Variants in HLCS observed in about 807,000 individuals in gnomAD.
The protein encoded by HLCS is holocarboxylase synthetase, also known as biotin--protein ligase.
A neutral mutation model predicts 75.0 loss-of-function variants in HLCS; 53 were observed. The ratio of observed to expected loss-of-function variants is 0.71; its 90% confidence interval spans 0.57 to 0.89. HLCS has a LOEUF of 0.89. Ranked by LOEUF, HLCS falls within the 40% of genes least tolerant of loss-of-function variation. HLCS has a pLI of 0.00. For missense variants in HLCS, 966 were observed against 1,074.0 expected (o/e 0.90, Z 1.41); for synonymous variants, 431 against 428.6 (o/e 1.01, Z -0.07).
At chr21:36,872,412 G>C (rs2063804551) in intron 6 of HLCS, among the ~76,000 whole-genome samples, 1 of 150,874 alleles carries the variant, frequency 6.6e-6, no homozygotes, top group Non-Finnish European at 1.5e-5. Context: ...AAAAACTTCA[G>C]CTGCATACCA....
rs1241649670 is a variant in HLCS at position 36,896,593 on chromosome 21, A to G, written c.1892+267T>C. ...TCTTTTTTCATAATATTCGTTTATC[A>G]AAGAACATTCTGAGGGCCTGATTCA... On this transcript the variant is annotated intron_variant, in intron 6 of 10. Transcript: ENST00000674895. 1.6e-5 allele frequency: 8 copies of G among 515,836 alleles called. No homozygotes were observed. The East Asian group carries it at 2.7e-4, about 17-fold the overall frequency. 32.0% of individuals were successfully genotyped at this position (515,836 alleles called of 1,614,324 possible).
chr21:36,756,791 T>G (rs2089620671), intron 9 of HLCS, 36 bp from the exon 10 acceptor site: 5 of 1,613,194 alleles, frequency 3.1e-6, no homozygotes, highest in Middle Eastern at 1.8e-4. Context: ...GCTCAGCCTG[T>G]TGATGGCATC....
At chr21:36,869,383 C>T (rs1418974315) in intron 6 of HLCS, among the ~76,000 whole-genome samples, 4 of 152,124 alleles carry the variant, frequency 2.6e-5, no homozygotes, top group African/African-American at 9.7e-5. Flanking sequence ...CCGCCCACCT[C>T]GGCCTCCCAA....
intron 5 of HLCS, among the ~76,000 whole-genome samples, chr21:36,927,071 GT>G (rs1269943505): frequency 6.6e-6 from 1 of 152,204 alleles, no homozygotes; most frequent in Non-Finnish European, 1.5e-5. Context: ...GGAGATAGGT[GT>G]GTGGTAAACG....
chr21:36,754,090 C>T lies in HLCS; in HGVS notation c.*156G>A, dbSNP rs538687087. ...GAGCCTCTTCAAACACCAAAGAAAA[C>T]GACAACAAAACAAACCTAAAAACAA... On this transcript the variant is annotated 3_prime_UTR_variant, in exon 11 of 11. Coordinates refer to ENST00000674895, the MANE Select transcript of HLCS (RefSeq NM_001352514.2). 22 of 854,450 alleles carry T rather than the reference C, an allele frequency of 2.6e-5. No individual in the cohort carries two copies. The highest frequency in any genetic ancestry group is 6.6e-5 in the South Asian group (4 of 60,616). 52.9% of individuals were successfully genotyped at this position (854,450 alleles called of 1,614,324 possible).
rs143218701 is a variant in HLCS at position 36,896,872 on chromosome 21, C to T, written c.1880G>A (p.Arg627His). Residue 627 changes from arginine (R) to histidine (H), a missense_variant, in exon 6 of 11, where the codon CGT becomes CAT. By Grantham distance (29) the Arg-to-His change is conservative. Transcript: ENST00000674895. ...LFAEVTPTTM[R>H]LLDGLMFQTP... ...GCTCACACCTTACCCATCCAGGAGA[C>T]GCATCGTTGTGGGGGTCACTTCGGC... is the stretch of plus-strand genomic sequence containing the variant. 6.8e-6 allele frequency: 11 copies of T among 1,614,096 alleles called. No homozygotes were observed. The highest frequency in any genetic ancestry group is 1.7e-5 in the Admixed American group (1 of 60,016).
intron 6 of HLCS, among the ~76,000 whole-genome samples, chr21:36,794,879 T>C (rs2060980563): frequency 6.6e-6 from 1 of 152,008 alleles, no homozygotes; most frequent in Non-Finnish European, 1.5e-5. Context: ...GATGTGCCGT[T>C]TCCCAAAAGC....
intron 4 of HLCS, among the ~76,000 whole-genome samples, chr21:36,933,030 A>AT (rs1311984821): frequency 1.3e-5 from 2 of 152,202 alleles, no homozygotes; most frequent in African/African-American, 2.4e-5. Flanking sequence ...AGGCACAAGA[A>AT]TCACTTGAAC....
chr21:36,807,784 C>T (rs766886219), intron 6 of HLCS, among the ~76,000 whole-genome samples: 1 of 152,090 alleles, frequency 6.6e-6, no homozygotes, highest in East Asian at 1.9e-4. Context: ...TGATCAGTGC[C>T]TGAATGTTCT....
At chr21:36,896,786 C>T (rs1214291061) in intron 6 of HLCS, 74 bp downstream of exon 6, 1 of 1,523,100 alleles carries the variant, frequency 6.6e-7, no homozygotes, top group Non-Finnish European at 9.1e-7. Context: ...TATCCCCTCC[C>T]CGTCTATTGG....
upstream of HLCS, among the ~76,000 whole-genome samples, chr21:36,970,886 G>T (rs1028269267): frequency 3.3e-5 from 5 of 151,690 alleles, no homozygotes; most frequent in African/African-American, 1.2e-4. Flanking sequence ...CCCAGCTACT[G>T]AGGAGGCTGA....
In HLCS at chr21:36,966,508, T is replaced by TGCGCGGCC; in HGVS notation, c.123_130dup (p.Gln44ArgfsTer12). The TGCGCGGCC allele has an allele frequency of 4.1e-6, 4 of 977,964 alleles. No individual in the cohort carries two copies. Among genetic ancestry groups the TGCGCGGCC allele is most frequent in the Non-Finnish European group, 4.8e-6 (4 of 829,254 alleles). The allele number at this position is 977,964 out of a possible 1,614,324, so 60.6% of individuals were successfully genotyped here. A position where few individuals can be genotyped will look rare whatever the true frequency, so the allele number is the denominator to read the frequency against. ...CAGGCACACGCGGGCGCCCGGGGGC[T>TGCGCGGCC]GCGCGGCCGCGCCGCAGAAGGTGAA... On this transcript the variant is annotated frameshift_variant, in exon 1 of 11. Transcript: ENST00000674895. LOFTEE classifies it high-confidence loss of function.
intron 6 of HLCS, among the ~76,000 whole-genome samples, chr21:36,889,813 G>GTTTCTCTGGCGT (rs2064697936): frequency 6.6e-6 from 1 of 152,164 alleles, no homozygotes. Flanking sequence ...AAACCTACTA[G>GTTTCTCTGGCGT]GAAATAGCAC....
At chr21:36,903,572 A>G (rs996172622) in intron 5 of HLCS, among the ~76,000 whole-genome samples, 8 of 152,218 alleles carry the variant, frequency 5.3e-5, no homozygotes, top group African/African-American at 1.9e-4. Flanking sequence ...TATCCCATTC[A>G]AAGTCAATGA....
chr21:36,888,446 ATATATATAT>A (rs1434744552), intron 6 of HLCS, among the ~76,000 whole-genome samples: 1,194 of 70,360 alleles, frequency 0.017, 91 homozygotes, highest in Non-Finnish European at 0.018. Flanking sequence ...AAAAAAAAAA[ATATATATAT>A]ATATATATAT....
At chr21:36,897,570 C>A (rs755570094) in intron 5 of HLCS, among the ~76,000 whole-genome samples, 35 of 152,158 alleles carry the variant, frequency 2.3e-4, no homozygotes, top group Non-Finnish European at 3.5e-4. Context: ...TCACAGAACA[C>A]AAAGCACTCA....
intron 6 of HLCS, among the ~76,000 whole-genome samples, chr21:36,811,844 C>G (rs2061519615): frequency 6.6e-6 from 1 of 152,200 alleles, no homozygotes; most frequent in Non-Finnish European, 1.5e-5. Flanking sequence ...GGGTGGAGGA[C>G]TGGCAGCGGG....
intron 6 of HLCS, among the ~76,000 whole-genome samples, chr21:36,881,395 C>T (rs374069112): frequency 2.0e-5 from 3 of 152,172 alleles, no homozygotes; most frequent in African/African-American, 7.2e-5. Flanking sequence ...GGAACTCATT[C>T]GACTTTCCCT....
At position 36,754,338 on chromosome 21, in the gene HLCS, C is replaced by T. The variant is rs774651759; in HGVS notation, c.2530G>A (p.Val844Ile). 7 of 1,614,078 alleles carry T rather than the reference C, an allele frequency of 4.3e-6. No individual in the cohort carries two copies. Among genetic ancestry groups the T allele is most frequent in the Admixed American group, 1.7e-5 (1 of 60,020 alleles). ...ACAACCTCGCCGCCCTCCTGGTGAA[C>T]CTGGAGGAAGCCAGAATCGTCCAGG... ...VGLDDSGFLQ[V>I]HQEGGEVVTV... Residue 844 changes from valine (V) to isoleucine (I), a missense_variant, in exon 11 of 11, where the codon GTT (valine) becomes ATT (isoleucine). Val to Ile is a conservative substitution (Grantham distance 29). Transcript: ENST00000674895.
Sources: allele counts gnomAD v4.1 joint callset (sites outside exome capture counted in the v4.1 genomes callset), GRCh38; gene constraint gnomAD v4.1.1; transcripts MANE v1.5; gene names NCBI Gene and HGNC (gene_info 2026-07-23, HGNC 2026-07-21).